The following SLC44A5 variants were observed in gnomAD, a reference collection of about 807,000 sequenced individuals.
SLC44A5 encodes choline transporter-like protein 5.
Under a neutral mutation model 101.8 loss-of-function variants are expected in SLC44A5, and 57 were observed. That is an observed-to-expected ratio of 0.56 (90% CI 0.45 to 0.70). SLC44A5 has a LOEUF of 0.70. SLC44A5 is among the 30% of genes least tolerant of loss of function. The pLI is 0.00. For synonymous variants in SLC44A5, 281 were observed against 290.9 expected (o/e 0.97, Z 0.35); for missense variants, 737 against 853.1 (o/e 0.86, Z 1.70).
At chr1:75,296,127 G>A (rs1238359524) in intron 5 of SLC44A5, among the ~76,000 whole-genome samples, 3 of 152,052 alleles carry the variant, frequency 2.0e-5, no homozygotes, top group African/African-American at 7.2e-5. Context: ...CCAGTCTCCA[G>A]TCAAGCCATG....
chr1:75,700,830 C>T, the SLC44A5 span, among the ~76,000 whole-genome samples: 1 of 152,042 alleles, frequency 6.6e-6, no homozygotes, highest in Non-Finnish European at 1.5e-5. Flanking sequence ...GGGACATGTC[C>T]ACCAATCACA....
the SLC44A5 span, among the ~76,000 whole-genome samples, chr1:75,690,786 T>C: frequency 6.6e-6 from 1 of 152,078 alleles, no homozygotes; most frequent in Non-Finnish European, 1.5e-5. Flanking sequence ...TGCTGAGAAA[T>C]CTTCACTTTT....
the SLC44A5 span, among the ~76,000 whole-genome samples, chr1:75,675,210 C>T: frequency 2.0e-5 from 3 of 152,264 alleles, no homozygotes; most frequent in South Asian, 2.1e-4. Flanking sequence ...GGCAGTATGG[C>T]CACTTTCACA....
chr1:75,588,424 G>A (rs919518962), intron 1 of SLC44A5, among the ~76,000 whole-genome samples: 2 of 152,034 alleles, frequency 1.3e-5, no homozygotes, highest in Admixed American at 6.6e-5. Flanking sequence ...AGGTAATATA[G>A]TCTCCATTTT....
chr1:75,393,662 G>T (rs1661942434), intron 3 of SLC44A5, among the ~76,000 whole-genome samples: 1 of 152,142 alleles, frequency 6.6e-6, no homozygotes, highest in African/African-American at 2.4e-5. Flanking sequence ...TGTGCTTTGA[G>T]CATTTTAAAT....
chr1:75,313,465 G>A (rs1029000225), intron 4 of SLC44A5, among the ~76,000 whole-genome samples: 4 of 152,218 alleles, frequency 2.6e-5, no homozygotes, highest in African/African-American at 9.6e-5. Context: ...TGCTGTGAAT[G>A]TAGTTAGCTG....
chr1:75,666,581 T>C, the SLC44A5 span, among the ~76,000 whole-genome samples: 3 of 152,166 alleles, frequency 2.0e-5, no homozygotes, highest in Non-Finnish European at 4.4e-5. Flanking sequence ...CCTCCATAAC[T>C]TATTTTATGA....
intron 1 of SLC44A5, among the ~76,000 whole-genome samples, chr1:75,547,688 A>G (rs1671723847): frequency 6.6e-6 from 1 of 152,198 alleles, no homozygotes; most frequent in African/African-American, 2.4e-5. Flanking sequence ...TAGCAAAAAC[A>G]AACAAACAAA....
At chr1:75,389,078 C>CA (rs931969001) in intron 3 of SLC44A5, among the ~76,000 whole-genome samples, 3 of 151,502 alleles carry the variant, frequency 2.0e-5, no homozygotes, top group South Asian at 2.1e-4. Flanking sequence ...GAAAAAAAGA[C>CA]AAAAAAAGGG....
At chr1:75,642,873 A>G in the SLC44A5 span, among the ~76,000 whole-genome samples, 1 of 152,172 alleles carries the variant, frequency 6.6e-6, no homozygotes, top group Non-Finnish European at 1.5e-5. Context: ...TTTGGTAAAT[A>G]CAGAAAAAAT....
intron 5 of SLC44A5, among the ~76,000 whole-genome samples, chr1:75,296,371 T>C (rs997002541): frequency 4.0e-5 from 6 of 151,444 alleles, no homozygotes; most frequent in African/African-American, 7.3e-5. Context: ...TTTTTCTTTT[T>C]TTTTTTTTTT....
chr1:75,679,391 C>A, the SLC44A5 span, among the ~76,000 whole-genome samples: 34 of 151,996 alleles, frequency 2.2e-4, no homozygotes, highest in African/African-American at 8.0e-4. Context: ...AAAGGGAAGC[C>A]CATCAGACTA....
At chr1:75,687,953 G>T in the SLC44A5 span, among the ~76,000 whole-genome samples, 1 of 152,182 alleles carries the variant, frequency 6.6e-6, no homozygotes, top group Non-Finnish European at 1.5e-5. Flanking sequence ...TTTGACCTCA[G>T]TCAAAGTCTT....
intron 2 of SLC44A5, among the ~76,000 whole-genome samples, chr1:75,536,010 A>T (rs1297662199): frequency 1.3e-5 from 2 of 149,924 alleles, no homozygotes; most frequent in East Asian, 4.0e-4. Flanking sequence ...GGAATTTGTG[A>T]GCAGCCTGGG....
intron 1 of SLC44A5, among the ~76,000 whole-genome samples, chr1:75,547,037 AT>A (rs1374449178): frequency 6.6e-6 from 1 of 152,138 alleles, no homozygotes; most frequent in African/African-American, 2.4e-5. Flanking sequence ...TAATGAAATC[AT>A]TCATGTTTTA....
At chr1:75,721,350 C>T in the SLC44A5 span, among the ~76,000 whole-genome samples, 11 of 152,212 alleles carry the variant, frequency 7.2e-5, no homozygotes, top group Non-Finnish European at 1.5e-4. Flanking sequence ...GACAGCTTTG[C>T]ATGCAGCCCA....
intron 2 of SLC44A5, among the ~76,000 whole-genome samples, chr1:75,466,033 A>G (rs1432625758): frequency 6.6e-6 from 1 of 152,234 alleles, no homozygotes; most frequent in African/African-American, 2.4e-5. Flanking sequence ...CTACGAGGCC[A>G]GTATTACTCT....
chr1:75,369,281 G>A (rs986741295), intron 3 of SLC44A5, among the ~76,000 whole-genome samples: 3 of 151,964 alleles, frequency 2.0e-5, no homozygotes, highest in African/African-American at 7.3e-5. Context: ...GCCTCACAAA[G>A]TGCTGGGATT....
At chr1:75,230,600 C>T (rs1480916049) in intron 12 of SLC44A5, among the ~76,000 whole-genome samples, 1 of 151,510 alleles carries the variant, frequency 6.6e-6, no homozygotes, top group East Asian at 1.9e-4. Flanking sequence ...ATTTCATGTT[C>T]TATATCTTTC....
Sources: allele counts gnomAD v4.1 joint callset (sites outside exome capture counted in the v4.1 genomes callset), GRCh38; gene constraint gnomAD v4.1.1; transcripts MANE v1.5; gene names NCBI Gene and HGNC (gene_info 2026-07-23, HGNC 2026-07-21).